KIAA0513: variants seen among roughly 807,000 people sequenced by gnomAD.
KIAA0513 encodes the protein KIAA0513.
KIAA0513 carries 39 observed loss-of-function variants against 56.5 expected under a neutral mutation model. That is an observed-to-expected ratio of 0.69 (90% confidence interval 0.53 to 0.90). KIAA0513 has a LOEUF of 0.90. KIAA0513 is among the 40% of genes least tolerant of loss of function. KIAA0513 has a pLI of 0.00. For synonymous variants in KIAA0513, 268 were observed against 215.6 expected (o/e 1.24, Z -2.13); for missense variants, 591 against 535.2 (o/e 1.10, Z -1.03).
At chr16:85,068,041 C>G (rs927088074) in intron 2 of KIAA0513, among the ~76,000 whole-genome samples, 1 of 152,134 alleles carries the variant, frequency 6.6e-6, no homozygotes, top group Admixed American at 6.5e-5. Flanking sequence ...GAACTCCTGA[C>G]CTCATGTGAT....
rs144983745 is a variant in KIAA0513 at position 85,087,108 on chromosome 16, C to A, written c.1128C>A (p.Asn376Lys). ...FTHNMLAFGL[N>K]KKLCNDFLKK... The stretch of plus-strand genomic sequence containing the variant: ...ACAACATGCTGGCCTTTGGACTGAA[C>A]AAGAAGCTGTGCAATGACTTCCTGA... The change falls in exon 12 of 13, where the codon AAC becomes AAA. Residue 376 changes from asparagine to lysine, a missense_variant. Coordinates refer to ENST00000683363, the MANE Select transcript of KIAA0513 (RefSeq NM_001388359.1). 1 of 1,614,230 alleles carries A rather than the reference C, an allele frequency of 6.2e-7. No homozygotes were observed.
chr16:85,077,643 C>T lies in KIAA0513; in HGVS notation c.782+11C>T, dbSNP rs1273996124. 3.2e-6 allele frequency: 5 copies of T among 1,585,816 alleles called. No individual in the cohort carries two copies. In the African/African-American group the frequency reaches 6.7e-5, roughly 21 times the overall value. On this transcript the variant is annotated intron_variant, in intron 6 of 12. Transcript: ENST00000683363. ...GGCCAGGAGGAACGAGTACGTGTGG[C>T]CTTGGGGTCCCTCCCACCTGCAGGG...
rs2073841317 is a variant in KIAA0513, at chr16:85,089,019, G to A, written c.*694G>A. 1 of 152,348 alleles carries A rather than the reference G, an allele frequency of 6.6e-6. No homozygotes were observed. Among genetic ancestry groups the A allele is most frequent in the Non-Finnish European group, 1.5e-5 (1 of 68,140 alleles). 9.4% of individuals were successfully genotyped at this position (152,348 alleles called of 1,614,324 possible). On this transcript the variant is annotated 3_prime_UTR_variant, in exon 13 of 13. Coordinates refer to ENST00000683363, the MANE Select transcript of KIAA0513 (RefSeq NM_001388359.1). The surrounding 1 kb of genome is among the most constrained non-coding windows in gnomAD (Gnocchi z 4.2). ...TGCCTGCAGACGGCCCGGGAGCTGT[G>A]TGTCTCCGCCAGAGTCACAGCAGTG...
rs549344672 is a variant in KIAA0513, at chr16:85,033,920, C to G, written c.-173+6062C>G. 3.9e-5 allele frequency among the ~76,000 whole-genome samples: 6 copies of G among 152,294 alleles called. No homozygotes were observed. The South Asian group carries it at 1.0e-3, about 26-fold the overall frequency. ...TACCCTCCCCAGTGGCATTACTGCCCATTTCTTGTGTCTCCTTCCAGAGAT... is the reference window on the plus strand; with the variant it reads ...TACCCTCCCCAGTGGCATTACTGCCGATTTCTTGTGTCTCCTTCCAGAGAT... On this transcript the variant is annotated intron_variant, in intron 1 of 12. Coordinates refer to ENST00000683363, the MANE Select transcript of KIAA0513 (RefSeq NM_001388359.1).
At chr16:85,028,013 GCGAGCGGGGGCGGGGC>G (rs969109556) in intron 1 of KIAA0513, among the ~76,000 whole-genome samples, 155 bp downstream of exon 1, 2 of 151,914 alleles carry the variant, frequency 1.3e-5, no homozygotes, top group Non-Finnish European at 2.9e-5. Context: ...GGTCCGCGGG[GCGAGCGGGGGCGGGGC>G]CTCGCGGGCC....
chr16:85,076,607 C>G lies in KIAA0513; in HGVS notation c.574+693C>G, dbSNP rs756155755. Among the ~76,000 whole-genome samples the G allele has an allele frequency of 6.6e-6, 1 of 152,074 alleles. No homozygotes were observed. Among genetic ancestry groups the G allele is most frequent in the South Asian group, 2.1e-4 (1 of 4,830 alleles). The stretch of plus-strand genomic sequence containing the variant: ...CCGTGCTTTCCTCTCTCGGGACCCG[C>G]GTGCTCACTCTTGGGGTGTATGTAT... On this transcript the variant is annotated intron_variant, in intron 5 of 12. Coordinates refer to ENST00000683363, the MANE Select transcript of KIAA0513 (RefSeq NM_001388359.1). The surrounding 1 kb of genome is among the most constrained non-coding windows in gnomAD (Gnocchi z 4.7).
intron 3 of KIAA0513, among the ~76,000 whole-genome samples, chr16:85,072,706 C>T (rs1038011711): frequency 4.6e-5 from 7 of 152,162 alleles, no homozygotes; most frequent in African/African-American, 1.7e-4. Context: ...CGAGGGGAAC[C>T]CCTGCATGTG....
At chr16:85,085,880 C>G (rs975895818) in intron 10 of KIAA0513, among the ~76,000 whole-genome samples, 9 of 152,230 alleles carry the variant, frequency 5.9e-5, no homozygotes, top group Non-Finnish European at 1.2e-4. Context: ...ACTGGGTTTT[C>G]AGCACTTTGT....
In KIAA0513 at chr16:85,071,765, C is replaced by G; in HGVS notation, c.330-18C>G. The stretch of plus-strand genomic sequence containing the variant: ...GGGTTTTTTTTTTTTTTCCTCTGCT[C>G]TTTTTTTTTTTTTTTAGGGAGGACT... On this transcript the variant is annotated intron_variant, in intron 2 of 12. Coordinates refer to ENST00000683363, the MANE Select transcript of KIAA0513 (RefSeq NM_001388359.1). 28 of 1,206,294 alleles carry G rather than the reference C, an allele frequency of 2.3e-5. No homozygotes were observed. Among genetic ancestry groups the G allele is most frequent in the Non-Finnish European group, 2.9e-5 (26 of 889,272 alleles). The allele number at this position is 1,206,294 out of a possible 1,614,324, so 74.7% of individuals were successfully genotyped here.
At chr16:85,054,690 AC>A (rs1340796700) in intron 1 of KIAA0513, among the ~76,000 whole-genome samples, 5 of 151,606 alleles carry the variant, frequency 3.3e-5, no homozygotes, top group Non-Finnish European at 7.4e-5. Flanking sequence ...TCAGCCTCCC[AC>A]AGTTCTGGGA....
chr16:85,032,670 G>A (rs897867681), intron 1 of KIAA0513, among the ~76,000 whole-genome samples: 12 of 151,436 alleles, frequency 7.9e-5, no homozygotes, highest in African/African-American at 1.2e-4. Context: ...TCAGTCTGTC[G>A]TCCAGGCTGG....
intron 1 of KIAA0513, among the ~76,000 whole-genome samples, chr16:85,031,600 C>T (rs1017299108): frequency 2.0e-5 from 3 of 152,214 alleles, no homozygotes; most frequent in Non-Finnish European, 2.9e-5. Flanking sequence ...GTTTCTCCAG[C>T]TTCATTGACT....
chr16:85,090,726 C>T lies in KIAA0513; in HGVS notation c.*2401C>T, dbSNP rs141135389. On this transcript the variant is annotated 3_prime_UTR_variant, in exon 13 of 13. Transcript: ENST00000683363. ...TCTGTGCTCCATCCACACAGGATGCCGGAGAGACAGCCCCTTGTGCTGTGA... is the reference window on the plus strand; with the variant it reads ...TCTGTGCTCCATCCACACAGGATGCTGGAGAGACAGCCCCTTGTGCTGTGA... 3.9e-5 allele frequency: 6 copies of T among 152,332 alleles called. No homozygotes were observed. The East Asian group carries it at 5.8e-4, about 15-fold the overall frequency. 9.4% of individuals were successfully genotyped at this position (152,332 alleles called of 1,614,324 possible). A position where few individuals can be genotyped will look rare whatever the true frequency, so the allele number is the denominator to read the frequency against.
In KIAA0513 at chr16:85,060,951, C is replaced by T. The variant is rs147154565; in HGVS notation, c.-172-5949C>T. ...GGTAGATCACCTGAGGTCAGGAGTT[C>T]GAGACCAACCTGGCCAACATGGTGA... On this transcript the variant is annotated intron_variant, in intron 1 of 12. Coordinates refer to ENST00000683363, the MANE Select transcript of KIAA0513 (RefSeq NM_001388359.1). Among the ~76,000 whole-genome samples, 60 of 151,764 alleles carry T rather than the reference C, an allele frequency of 4.0e-4. No individual in the cohort carries two copies. The South Asian group carries it at 0.011, about 27-fold the overall frequency.
chr16:85,073,025 T>A (rs1162289361), intron 4 of KIAA0513, 27 bp downstream of exon 4: 1 of 1,594,038 alleles, frequency 6.3e-7, no homozygotes, highest in Non-Finnish European at 8.6e-7. Context: ...CACAAAGCCT[T>A]TGTCCTGGCA....
chr16:85,076,875 C>T lies in KIAA0513; in HGVS notation c.575-550C>T, dbSNP rs143138742. On this transcript the variant is annotated intron_variant, in intron 5 of 12. Coordinates refer to ENST00000683363, the MANE Select transcript of KIAA0513 (RefSeq NM_001388359.1). This position sits in a 1 kb window ranked among gnomAD's most constrained non-coding sequence, Gnocchi z 4.7. ...GGCCACCCACAGCAGCTTCAGCTAG[C>T]GAGGACACCCCACTGGGACCTGCAG... Among the ~76,000 whole-genome samples, 284 of 152,336 alleles carry T rather than the reference C, an allele frequency of 1.9e-3. 2 individuals are homozygous for T. Among genetic ancestry groups the T allele is most frequent in the African/African-American group, 6.5e-3 (271 of 41,580 alleles).
chr16:85,036,627 G>A (rs891008584), intron 1 of KIAA0513, among the ~76,000 whole-genome samples: 16 of 152,152 alleles, frequency 1.1e-4, no homozygotes, highest in African/African-American at 3.6e-4. Context: ...GGACGAGCAG[G>A]CAGTAGCCCT....
rs1215688685 is a variant in KIAA0513 at position 85,078,978 on chromosome 16, A to G, written c.877A>G (p.Thr293Ala). 3 of 1,614,156 alleles carry G rather than the reference A, an allele frequency of 1.9e-6. No individual in the cohort carries two copies. The highest frequency in any genetic ancestry group is 1.1e-5 in the South Asian group (1 of 91,090). ...EKKGEKIYLY[T>A]HLKQQPIWHT... ...GAAGGGGGAGAAGATCTACCTGTACACGCACCTGAAGCAACAGCCCATCTG... is the reference window on the plus strand; with the variant it reads ...GAAGGGGGAGAAGATCTACCTGTACGCGCACCTGAAGCAACAGCCCATCTG... The change falls in exon 8 of 13, where the codon ACG becomes GCG. Residue 293 changes from threonine (T) to alanine (A), a missense_variant. Thr to Ala is a moderately conservative substitution (Grantham distance 58). Transcript: ENST00000683363.
At chr16:85,031,072 C>G (rs780738052) in intron 1 of KIAA0513, among the ~76,000 whole-genome samples, 11 of 152,186 alleles carry the variant, frequency 7.2e-5, no homozygotes, top group Non-Finnish European at 1.6e-4. Context: ...GAAACCGCTA[C>G]AGTGGTGAAT....
Sources: gnomAD v4.1 joint callset for allele counts (sites outside exome capture counted in the v4.1 genomes callset) on GRCh38, gnomAD v4.1.1 for gene constraint, Gnocchi (gnomAD v3.1) non-coding constraint, MANE v1.5 for transcripts, NCBI Gene and HGNC (gene_info 2026-07-23, HGNC 2026-07-21) for gene names.